The following M1AP variants were observed in gnomAD, a reference collection of about 807,000 sequenced individuals.
M1AP encodes the protein meiosis 1 associated protein.
M1AP carries 39 observed loss-of-function variants against 51.2 expected under a neutral mutation model. The observed-to-expected ratio is 0.76, with a 90% confidence interval of 0.59 to 1.00. The LOEUF (loss-of-function observed/expected upper bound fraction) is 1.00. M1AP is among the 50% of genes least tolerant of loss of function. The probability of loss-of-function intolerance (pLI) is 0.00; values close to 1 mark genes in which losing one functional copy is unlikely to be tolerated. For synonymous variants in M1AP, 251 were observed against 249.2 expected, an observed-to-expected ratio of 1.01 and a Z score of -0.07; for missense variants, 545 against 641.2, an observed-to-expected ratio of 0.85 and a Z score of 1.62.
intron 7 of M1AP, among the ~76,000 whole-genome samples, chr2:74,573,663 T>C (rs535524531): frequency 1.0e-3 from 155 of 152,302 alleles, no homozygotes; most frequent in Middle Eastern, 3.4e-3. Flanking sequence ...ATAGTTCCTA[T>C]AACTTTTCCC....
At chr2:74,606,454 A>T (rs1429699681) in intron 4 of M1AP, among the ~76,000 whole-genome samples, 1 of 152,250 alleles carries the variant, frequency 6.6e-6, no homozygotes, top group Non-Finnish European at 1.5e-5. Flanking sequence ...ATACAAAGCC[A>T]TTAAAAAACG....
In M1AP at chr2:74,588,427, T is replaced by C. The variant is rs538439943; in HGVS notation, c.596-6580A>G. On this transcript the variant is annotated intron_variant, in intron 4 of 10. Transcript: ENST00000421985. ...CTACTCTCTGAATACAGGATAGCTA[T>C]AGGATGTTAACAACCAGGGTAAGTA... is the stretch of plus-strand genomic sequence containing the variant. 5.9e-5 allele frequency among the ~76,000 whole-genome samples: 9 copies of C among 152,308 alleles called. No individual in the cohort carries two copies. The South Asian group carries it at 1.9e-3, about 32-fold the overall frequency.
At chr2:74,608,012 T>C (rs1681119649) in intron 3 of M1AP, among the ~76,000 whole-genome samples, 1 of 152,146 alleles carries the variant, frequency 6.6e-6, no homozygotes, top group African/African-American at 2.4e-5. Context: ...GTCCCACATA[T>C]ACATGGCCTC....
chr2:74,571,385 G>A (rs539334718), intron 7 of M1AP, among the ~76,000 whole-genome samples: 1 of 152,222 alleles, frequency 6.6e-6, no homozygotes, highest in Non-Finnish European at 1.5e-5. Context: ...TTGGCTGGAG[G>A]GGAACATTAC....
rs1683202004 is a variant in M1AP at position 74,640,061 on chromosome 2, T to C, written c.215A>G (p.Gln72Arg). Residue 72 changes from glutamine to arginine, a missense_variant, in exon 2 of 11, where the codon CAG becomes CGG. Gln to Arg is a conservative substitution (Grantham distance 43). Coordinates refer to ENST00000421985, the MANE Select transcript of M1AP (RefSeq NM_001321739.2). ...SLFSLYMVQD[Q>R]HECILPFVQV... ...CACAAAAGGGAGGATGCACTCATGCTGATCTTGTACCATGTATAAACTGAA... is the reference window on the plus strand; with the variant it reads ...CACAAAAGGGAGGATGCACTCATGCCGATCTTGTACCATGTATAAACTGAA... 6.2e-7 allele frequency: 1 copy of C among 1,614,118 alleles called. No homozygotes were observed. The highest frequency in any genetic ancestry group is 1.7e-5 in the Admixed American group (1 of 60,012).
chr2:74,582,761 C>T (rs1450617408), intron 4 of M1AP, among the ~76,000 whole-genome samples: 3 of 152,128 alleles, frequency 2.0e-5, no homozygotes, highest in African/African-American at 4.8e-5. Context: ...TGGCTCACAC[C>T]TGTAATCCCA....
At chr2:74,621,293 C>T (rs541799558) in intron 2 of M1AP, among the ~76,000 whole-genome samples, 1 of 149,998 alleles carries the variant, frequency 6.7e-6, no homozygotes, top group South Asian at 2.1e-4. Flanking sequence ...AAAAAAACCC[C>T]AAAAAACAAA....
intron 1 of M1AP, among the ~76,000 whole-genome samples, chr2:74,642,811 T>C (rs538803449): frequency 2.6e-5 from 4 of 152,340 alleles, no homozygotes; most frequent in African/African-American, 9.6e-5. Context: ...GAACTATCGA[T>C]GACAAAGTTT....
At chr2:74,643,325 C>T (rs2104855179) in intron 1 of M1AP, among the ~76,000 whole-genome samples, 1 of 152,154 alleles carries the variant, frequency 6.6e-6, no homozygotes, top group Admixed American at 6.5e-5. Context: ...CATGTGGCAA[C>T]ATGGATGATT....
chr2:74,586,290 C>A (rs1227031923), intron 4 of M1AP, among the ~76,000 whole-genome samples: 1 of 152,202 alleles, frequency 6.6e-6, no homozygotes. Flanking sequence ...GGAATTGTTT[C>A]TTTTCACTTT....
intron 2 of M1AP, among the ~76,000 whole-genome samples, chr2:74,621,485 T>C (rs1455218506): frequency 6.6e-6 from 1 of 150,930 alleles, no homozygotes; most frequent in Non-Finnish European, 1.5e-5. Context: ...CTTTGAAGAG[T>C]AGTAAAAAAG....
intron 2 of M1AP, chr2:74,618,894 T>C: frequency 1.9e-6 from 1 of 524,774 alleles, no homozygotes; most frequent in East Asian, 5.4e-5. Context: ...TTACAGCTCT[T>C]GACTGAGTAG....
At chr2:74,598,188 C>A (rs910470375) in intron 4 of M1AP, among the ~76,000 whole-genome samples, 5 of 152,084 alleles carry the variant, frequency 3.3e-5, no homozygotes, top group Non-Finnish European at 2.9e-5. Flanking sequence ...TCAAGACCAG[C>A]CTGGCCAACA....
intron 5 of M1AP, 60 bp downstream of exon 5, chr2:74,581,614 T>C: frequency 6.5e-7 from 1 of 1,538,058 alleles, no homozygotes; most frequent in Non-Finnish European, 8.9e-7. Context: ...ACCACCAATC[T>C]AGAGTCCTGA....
chr2:74,613,294 G>C (rs1055424118), intron 3 of M1AP, among the ~76,000 whole-genome samples: 9 of 152,130 alleles, frequency 5.9e-5, no homozygotes, highest in Non-Finnish European at 1.2e-4. Flanking sequence ...GATGCTTGCT[G>C]TCTCTTCAAA....
At chr2:74,641,730 C>T (rs2104848289) in intron 1 of M1AP, among the ~76,000 whole-genome samples, 1 of 151,860 alleles carries the variant, frequency 6.6e-6, no homozygotes, top group Admixed American at 6.6e-5. Flanking sequence ...CCTGCCTCGG[C>T]CTCCTGAAGT....
At chr2:74,614,395 T>G (rs1012688695) in intron 3 of M1AP, among the ~76,000 whole-genome samples, 3 of 152,246 alleles carry the variant, frequency 2.0e-5, no homozygotes, top group Non-Finnish European at 2.9e-5. Context: ...TTTTTTGTCC[T>G]GTCTGTTTGA....
At chr2:74,648,226 T>G in intron 1 of M1AP, 39 bp downstream of exon 1, 1 of 974,454 alleles carries the variant, frequency 1.0e-6, no homozygotes, top group Non-Finnish European at 1.2e-6. Flanking sequence ...CCGGCTGCTC[T>G]CGGGCTGCCC....
Position 74,640,259 on chromosome 2 carries a change from G to A in M1AP, c.17C>T (p.Thr6Ile), listed in dbSNP as rs1238226874. 2 of 1,614,064 alleles carry A rather than the reference G, an allele frequency of 1.2e-6. No individual in the cohort carries two copies. Among genetic ancestry groups the A allele is most frequent in the Middle Eastern group, 1.6e-4 (1 of 6,062 alleles). The change falls in exon 2 of 11, where the codon ACT (threonine) becomes ATT (isoleucine). Residue 6 changes from threonine to isoleucine, a missense_variant. By Grantham distance (89) the Thr-to-Ile change is moderately conservative. Transcript: ENST00000421985. ...GTGAGTAGAGGGCCCTTTACCAGTA[G>A]TTCGCCCAGGATGCATGGCAGCAAA... MHPGR[T>I]TGKGPSTHTQ...
Sources: allele counts gnomAD v4.1 joint callset (sites outside exome capture counted in the v4.1 genomes callset), GRCh38; gene constraint gnomAD v4.1.1; transcripts MANE v1.5; gene names NCBI Gene and HGNC (gene_info 2026-07-23, HGNC 2026-07-21).